Variants in DOK5 observed in about 807,000 individuals in gnomAD.
The protein encoded by DOK5 is downstream of tyrosine kinase 5.
A neutral mutation model predicts 43.3 loss-of-function variants in DOK5; 27 were observed. The ratio of observed to expected loss-of-function variants is 0.62; its 90% confidence interval spans 0.46 to 0.86. The LOEUF is 0.86. DOK5 is among the 40% of genes least tolerant of loss of function. The pLI is 0.00. For synonymous variants in DOK5, 146 were observed against 140.1 expected, an observed-to-expected ratio of 1.04 and a Z score of -0.30; for missense variants, 373 against 392.9, an observed-to-expected ratio of 0.95 and a Z score of 0.43.
rs150487426 is a variant in DOK5, at chr20:54,638,142, A to C, written c.736-5316A>C. 5.8e-4 allele frequency among the ~76,000 whole-genome samples: 84 copies of C among 144,796 alleles called. 1 individual carries two copies. The East Asian group carries it at 0.016, about 28-fold the overall frequency. 95.0% of individuals were successfully genotyped at this position (144,796 alleles called of 152,430 possible). On this transcript the variant is annotated intron_variant, in intron 6 of 7. Coordinates refer to ENST00000262593, the MANE Select transcript of DOK5 (RefSeq NM_018431.5). ...GTCTCGAAAAAAAAAAAAAAAGATA[A>C]TCCCTACTTTTCAGCAGTTCATGGT... is the stretch of plus-strand genomic sequence containing the variant.
chr20:54,563,233 A>G, intron 2 of DOK5, among the ~76,000 whole-genome samples: 1 of 152,180 alleles, frequency 6.6e-6, no homozygotes, highest in East Asian at 1.9e-4. Flanking sequence ...TCTGTTGTGC[A>G]AGACACCTAG....
In DOK5 at chr20:54,479,678, T is replaced by C. The variant is rs114384933; in HGVS notation, c.66+3666T>C. On this transcript the variant is annotated intron_variant, in intron 1 of 7. Transcript: ENST00000262593. ...TACTTGCCTTTAAGTGACATTTCTG[T>C]GCTCTTGTCTACCAAGGACTTAGCA... Among the ~76,000 whole-genome samples, 821 of 152,308 alleles carry C rather than the reference T, an allele frequency of 5.4e-3. 6 individuals are homozygous for C. The highest frequency in any genetic ancestry group is 0.019 in the African/African-American group (791 of 41,570).
At chr20:54,531,801 C>CTGTTTT (rs1330225219) in intron 1 of DOK5, among the ~76,000 whole-genome samples, 3 of 152,120 alleles carry the variant, frequency 2.0e-5, no homozygotes, top group Non-Finnish European at 4.4e-5. Context: ...TACTTGGAAA[C>CTGTTTT]TGTTTTGTTT....
At chr20:54,582,859 C>T (rs1985684774) in intron 2 of DOK5, among the ~76,000 whole-genome samples, 1 of 151,924 alleles carries the variant, frequency 6.6e-6, no homozygotes, top group African/African-American at 2.4e-5. Context: ...TTTCTATTCT[C>T]CATTTCATTT....
intron 1 of DOK5, among the ~76,000 whole-genome samples, chr20:54,476,897 G>A (rs1981450696): frequency 6.6e-6 from 1 of 152,088 alleles, no homozygotes; most frequent in Non-Finnish European, 1.5e-5. Context: ...AAGAATTCTT[G>A]AGGGAGAGGG....
At chr20:54,549,147 A>G (rs1984442071) in intron 1 of DOK5, among the ~76,000 whole-genome samples, 2 of 152,212 alleles carry the variant, frequency 1.3e-5, no homozygotes, top group Admixed American at 1.3e-4. Context: ...TACTTTATAA[A>G]TATTTATGGG....
intron 1 of DOK5, among the ~76,000 whole-genome samples, chr20:54,517,420 G>A (rs1045880606): frequency 4.6e-5 from 7 of 152,136 alleles, no homozygotes; most frequent in African/African-American, 1.7e-4. Flanking sequence ...CTGGAGTCAC[G>A]CAATTTGAAT....
rs191765003 is a variant in DOK5 at position 54,638,009 on chromosome 20, T to C, written c.736-5449T>C. On this transcript the variant is annotated intron_variant, in intron 6 of 7. Coordinates refer to ENST00000262593, the MANE Select transcript of DOK5 (RefSeq NM_018431.5). ...TGGTGGCGGGCACCTGTAGTCCCAG[T>C]GACTTGGGAGGCTGAGGCAGGAGAA... is the stretch of plus-strand genomic sequence containing the variant. Among the ~76,000 whole-genome samples the C allele has an allele frequency of 3.3e-5, 5 of 150,588 alleles. 1 individual carries two copies. The highest frequency in any genetic ancestry group is 4.2e-4 in the South Asian group (2 of 4,778).
intron 1 of DOK5, among the ~76,000 whole-genome samples, chr20:54,538,801 A>C (rs1203393225): frequency 1.3e-5 from 2 of 152,268 alleles, no homozygotes; most frequent in African/African-American, 4.8e-5. Flanking sequence ...TAACAGTCAG[A>C]AGCTGAAGAA....
At chr20:54,512,659 T>C (rs1402732388) in intron 1 of DOK5, among the ~76,000 whole-genome samples, 1 of 152,246 alleles carries the variant, frequency 6.6e-6, no homozygotes, top group Non-Finnish European at 1.5e-5. Context: ...TGTACTTTGC[T>C]TTACTCTTAT....
At chr20:54,604,040 G>A (rs899960025) in intron 5 of DOK5, among the ~76,000 whole-genome samples, 61 of 140,918 alleles carry the variant, frequency 4.3e-4, no homozygotes, top group African/African-American at 1.5e-3. Flanking sequence ...TCCGCCTCCC[G>A]GGTTCACGCC....
At chr20:54,646,397 G>A (rs927310523) in intron 7 of DOK5, among the ~76,000 whole-genome samples, 8 of 151,794 alleles carry the variant, frequency 5.3e-5, no homozygotes, top group Non-Finnish European at 1.2e-4. Flanking sequence ...GGGACTACAG[G>A]TGTGTGCCAC....
intron 1 of DOK5, among the ~76,000 whole-genome samples, chr20:54,525,343 A>G (rs998812234): frequency 6.6e-6 from 1 of 152,234 alleles, no homozygotes; most frequent in Non-Finnish European, 1.5e-5. Flanking sequence ...GGACTTGAAC[A>G]TTAAAATTCT....
rs140890023 is a variant in DOK5 at position 54,585,865 on chromosome 20, T to C, written c.175-2618T>C. On this transcript the variant is annotated intron_variant, in intron 2 of 7. Transcript: ENST00000262593. ...GGCCGGGTGCAGTGGCTCACGCCTA[T>C]AATCCCAGCACTTTGGGAGGCTGAG... 3.4e-4 allele frequency among the ~76,000 whole-genome samples: 52 copies of C among 152,366 alleles called. No individual in the cohort carries two copies. The East Asian group carries it at 8.9e-3, about 26-fold the overall frequency.
At chr20:54,525,855 C>T (rs981264622) in intron 1 of DOK5, among the ~76,000 whole-genome samples, 1 of 152,166 alleles carries the variant, frequency 6.6e-6, no homozygotes, top group Non-Finnish European at 1.5e-5. Flanking sequence ...TGTATTCAGG[C>T]CTTCTAATGC....
chr20:54,490,936 T>A (rs1201452149), intron 1 of DOK5, among the ~76,000 whole-genome samples: 1 of 152,212 alleles, frequency 6.6e-6, no homozygotes, highest in Non-Finnish European at 1.5e-5. Flanking sequence ...CTTTTCACTC[T>A]TCAAATGGTG....
intron 5 of DOK5, 126 bp downstream of exon 5, chr20:54,591,931 A>G (rs767666684): frequency 2.9e-5 from 22 of 759,802 alleles, no homozygotes; most frequent in Non-Finnish European, 3.8e-5. Context: ...ACTTGAGGAA[A>G]TTCATAGAGT....
chr20:54,628,333 C>T (rs1007152984), intron 6 of DOK5, among the ~76,000 whole-genome samples: 3 of 138,238 alleles, frequency 2.2e-5, no homozygotes, highest in Admixed American at 7.7e-5. Context: ...GGCGTGAACC[C>T]GGGAGGCGGA....
At chr20:54,520,679 A>G (rs1429546671) in intron 1 of DOK5, among the ~76,000 whole-genome samples, 7 of 152,056 alleles carry the variant, frequency 4.6e-5, no homozygotes, top group African/African-American at 1.7e-4. Flanking sequence ...AGCTACTTGG[A>G]AAGACTGAAG....
Sources: allele counts gnomAD v4.1 joint callset (sites outside exome capture counted in the v4.1 genomes callset), GRCh38; gene constraint gnomAD v4.1.1; transcripts MANE v1.5; gene names NCBI Gene and HGNC (gene_info 2026-07-23, HGNC 2026-07-21).